The following CFAP184 variants were observed in gnomAD, a reference collection of about 807,000 sequenced individuals.
CFAP184 encodes cilia and flagella associated protein 184.
the CFAP184 span, chr4:7,042,434 C>T: frequency 6.2e-7 from 1 of 1,611,872 alleles, no homozygotes; most frequent in Non-Finnish European, 8.5e-7. Context: ...TTGTCCTCTT[C>T]CTCCCCCTCC....
chr4:7,042,111 C>T, the CFAP184 span: 4 of 1,607,948 alleles, frequency 2.5e-6, no homozygotes, highest in Non-Finnish European at 3.4e-6. Flanking sequence ...TCTCGGGGGC[C>T]TCGGCCTCTG....
At chr4:7,042,125 C>A in the CFAP184 span, 21 of 1,606,848 alleles carry the variant, frequency 1.3e-5, no homozygotes, top group Middle Eastern at 1.7e-4. Flanking sequence ...GCCTCTGCGC[C>A]CCGGTCAGCC....
the CFAP184 span, chr4:7,042,098 C>T: frequency 4.3e-6 from 7 of 1,609,254 alleles, no homozygotes; most frequent in South Asian, 5.5e-5. Flanking sequence ...TACGCTTGCT[C>T]TTTCTCGGGG....
the CFAP184 span, chr4:7,041,102 C>T: frequency 1.9e-6 from 2 of 1,037,144 alleles, no homozygotes; most frequent in Non-Finnish European, 2.6e-6. Flanking sequence ...AACTCCTAAC[C>T]CAGGTTTGGG....
the CFAP184 span, chr4:7,041,838 T>C: frequency 6.2e-7 from 1 of 1,610,032 alleles, no homozygotes; most frequent in East Asian, 2.2e-5. Flanking sequence ...CCTTCTCCTT[T>C]TTATCCTCCA....
chr4:7,042,967 C>A, the CFAP184 span: 1 of 1,404,244 alleles, frequency 7.1e-7, no homozygotes, highest in South Asian at 1.7e-5. Context: ...GCGCAGCGGA[C>A]CCCGGCAGGA....
At chr4:7,042,073 C>T in the CFAP184 span, 15 of 1,610,372 alleles carry the variant, frequency 9.3e-6, no homozygotes, top group Middle Eastern at 3.3e-4. Flanking sequence ...CTCCAGCATG[C>T]CCAGATGGCG....
the CFAP184 span, chr4:7,042,358 C>G: frequency 6.2e-7 from 1 of 1,610,046 alleles, no homozygotes; most frequent in Non-Finnish European, 8.5e-7. Flanking sequence ...CTCTTCCTGG[C>G]TTTTGGCCGG....
At chr4:7,041,051 T>C in the CFAP184 span, 1 of 514,072 alleles carries the variant, frequency 1.9e-6, no homozygotes, top group African/African-American at 1.9e-5. Context: ...AATCACCCTT[T>C]GTTTGCTTTT....
chr4:7,042,159 C>T, the CFAP184 span: 1 of 1,600,526 alleles, frequency 6.2e-7, no homozygotes, highest in Non-Finnish European at 8.5e-7. Flanking sequence ...CCAGGCCCTT[C>T]TTTCTGCGCA....
At chr4:7,041,046 C>G in the CFAP184 span, 1 of 496,670 alleles carries the variant, frequency 2.0e-6, no homozygotes, top group Non-Finnish European at 3.4e-6. Context: ...CATTAAATCA[C>G]CCTTTGTTTG....
the CFAP184 span, chr4:7,042,664 T>G: frequency 6.7e-7 from 1 of 1,502,818 alleles, no homozygotes; most frequent in South Asian, 1.3e-5. Context: ...GGGCTGGGGC[T>G]CGGCCGGCCT....
At chr4:7,042,137 C>G in the CFAP184 span, 46 of 1,606,060 alleles carry the variant, frequency 2.9e-5, no homozygotes, top group Non-Finnish European at 3.7e-5. Context: ...CGGTCAGCCA[C>G]CTCAGCGGCC....
the CFAP184 span, chr4:7,041,526 G>T: frequency 5.0e-6 from 8 of 1,613,936 alleles, no homozygotes; most frequent in African/African-American, 1.1e-4. Flanking sequence ...TTCCTAGGGC[G>T]GCCTGGGCCT....
the CFAP184 span, chr4:7,041,890 C>A: frequency 6.2e-7 from 1 of 1,611,998 alleles, no homozygotes; most frequent in Non-Finnish European, 8.5e-7. Context: ...AGCCTGGCGC[C>A]CGCCCCTCAT....
the CFAP184 span, chr4:7,042,610 T>C: frequency 2.0e-6 from 3 of 1,516,134 alleles, no homozygotes; most frequent in Admixed American, 2.1e-5. Context: ...GGGCTCCGGC[T>C]GGGCGGGCTC....
At chr4:7,042,446 C>T in the CFAP184 span, 1 of 1,611,568 alleles carries the variant, frequency 6.2e-7, no homozygotes, top group Non-Finnish European at 8.5e-7. Flanking sequence ...TCCCCCTCCA[C>T]CCGCTCTGTC....
the CFAP184 span, chr4:7,041,127 G>T: frequency 7.7e-7 from 1 of 1,292,438 alleles, no homozygotes; most frequent in Non-Finnish European, 1.0e-6. Context: ...GCACTGATTT[G>T]GAAGCTAAAA....
the CFAP184 span, chr4:7,041,260 C>A: frequency 6.4e-7 from 1 of 1,557,798 alleles, no homozygotes; most frequent in South Asian, 1.2e-5. Context: ...AGACTCTTCT[C>A]ATCGATCTGG....
Sources: allele counts gnomAD v4.1 joint callset, GRCh38; gene constraint gnomAD v4.1.1; transcripts MANE v1.5; gene names NCBI Gene and HGNC (gene_info 2026-07-23, HGNC 2026-07-21).